The following VPS37A variants were observed in gnomAD, a reference collection of about 807,000 sequenced individuals.
VPS37A encodes VPS37A subunit of ESCRT-I, also known as vacuolar protein sorting-associated protein 37A.
VPS37A carries 30 observed loss-of-function variants against 49.8 expected under a neutral mutation model. That is an observed-to-expected ratio of 0.60 (90% CI 0.45 to 0.82). The LOEUF is 0.82. Among genes scored for constraint, VPS37A ranks in the 40% least tolerant of loss-of-function variants. The pLI is 0.00. For synonymous variants in VPS37A, 195 were observed against 160.6 expected (o/e 1.21, Z -1.62); for missense variants, 593 against 464.4 (o/e 1.28, Z -2.55).
intron 11 of VPS37A, among the ~76,000 whole-genome samples, chr8:17,294,304 C>G (rs1243116954): frequency 6.6e-6 from 1 of 152,192 alleles, no homozygotes; most frequent in Non-Finnish European, 1.5e-5. Flanking sequence ...CCCCTCCCCC[C>G]ACCAAGCTCC....
At chr8:17,305,098 C>G (rs1817366627), downstream of VPS37A, among the ~76,000 whole-genome samples, 1 of 152,186 alleles carries the variant, frequency 6.6e-6, no homozygotes, top group South Asian at 2.1e-4. Flanking sequence ...CACACTTGAG[C>G]TTCCTTAGAG....
At position 17,247,717 on chromosome 8, in the gene VPS37A, T is replaced by C. The variant is rs3763556; in HGVS notation, c.125+348T>C. Reference sequence around the variant, plus strand: ...CTGATCTTTCCCTTTGCCCACCTGATTGCCGCGTCAGCAGAATTGTTAAAA... The same window carrying C: ...CTGATCTTTCCCTTTGCCCACCTGACTGCCGCGTCAGCAGAATTGTTAAAA... On this transcript the variant is annotated intron_variant, in intron 1 of 11. Coordinates refer to ENST00000324849, the MANE Select transcript of VPS37A (RefSeq NM_152415.3). The C allele has an allele frequency of 3.5e-3, 2,451 of 702,688 alleles. 28 individuals carry two copies. Among genetic ancestry groups the C allele is most frequent in the East Asian group, 0.032 (1,179 of 37,286 alleles). The allele number at this position is 702,688 out of a possible 1,614,324, so 43.5% of individuals were successfully genotyped here.
chr8:17,309,439 G>C, the VPS37A span: 3 of 743,048 alleles, frequency 4.0e-6, no homozygotes, highest in Non-Finnish European at 7.1e-6. Context: ...CCATCCTCGA[G>C]TAACCTGCAA....
intron 11 of VPS37A, among the ~76,000 whole-genome samples, chr8:17,288,289 G>T (rs920300334): frequency 6.6e-6 from 1 of 152,038 alleles, no homozygotes; most frequent in East Asian, 1.9e-4. Context: ...TTTTACATAG[G>T]TATACATGTG....
the VPS37A span, chr8:17,331,157 C>T: frequency 6.2e-7 from 1 of 1,610,390 alleles, no homozygotes; most frequent in Non-Finnish European, 8.5e-7. Context: ...TACCTTCCAG[C>T]ATTTTCTGCA....
chr8:17,306,176 T>C (rs1186680481), downstream of VPS37A, among the ~76,000 whole-genome samples: 1 of 152,170 alleles, frequency 6.6e-6, no homozygotes. Flanking sequence ...GTTCACGTTA[T>C]AGTTACAAAA....
intron 11 of VPS37A, among the ~76,000 whole-genome samples, chr8:17,293,228 C>T (rs1483388879): frequency 6.6e-6 from 1 of 151,544 alleles, no homozygotes; most frequent in Non-Finnish European, 1.5e-5. Context: ...ATCCTTTCTT[C>T]TGCTTGATCG....
intron 9 of VPS37A, among the ~76,000 whole-genome samples, chr8:17,282,060 C>G (rs1206636006): frequency 6.6e-6 from 1 of 151,742 alleles, no homozygotes; most frequent in Admixed American, 6.6e-5. Flanking sequence ...TCATCTGAAA[C>G]TTTATTTTTC....
chr8:17,309,279 G>C, the VPS37A span: 6 of 1,529,230 alleles, frequency 3.9e-6, no homozygotes, highest in Non-Finnish European at 5.4e-6. Context: ...TTACTTACCG[G>C]TGATTAAACT....
chr8:17,305,887 G>A, downstream of VPS37A: 1 of 1,613,650 alleles, frequency 6.2e-7, no homozygotes, highest in South Asian at 1.1e-5. Flanking sequence ...TCCATTAACT[G>A]CCAAACACAC....
At position 17,297,214 on chromosome 8, in the gene VPS37A, G is replaced by A. The variant is rs1361248829; in HGVS notation, c.*2228G>A. Reference sequence around the variant, plus strand: ...GGAGTTACTAGGCTAATCAGTGTACGAATTTGTCATAGGTAGAGATTTAAA... The same window carrying A: ...GGAGTTACTAGGCTAATCAGTGTACAAATTTGTCATAGGTAGAGATTTAAA... On this transcript the variant is annotated 3_prime_UTR_variant, in exon 12 of 12. Transcript: ENST00000324849. The A allele has an allele frequency of 3.3e-5, 5 of 152,202 alleles. No homozygotes were observed. The highest frequency in any genetic ancestry group is 1.9e-4 in the East Asian group (1 of 5,186). 9.4% of individuals were successfully genotyped at this position (152,202 alleles called of 1,614,324 possible). A position where few individuals can be genotyped will look rare whatever the true frequency, so the allele number is the denominator to read the frequency against.
intron 1 of VPS37A, among the ~76,000 whole-genome samples, chr8:17,264,197 T>A (rs1813237107): frequency 2.6e-5 from 4 of 152,184 alleles, no homozygotes; most frequent in Admixed American, 2.6e-4. Context: ...AAGACAGGAT[T>A]TGAACCCAGG....
chr8:17,327,672 A>G, the VPS37A span, among the ~76,000 whole-genome samples: 1 of 152,204 alleles, frequency 6.6e-6, no homozygotes, highest in African/African-American at 2.4e-5. Context: ...AACCAAATAT[A>G]TTATGTCTGT....
At chr8:17,318,309 G>A in the VPS37A span, among the ~76,000 whole-genome samples, 19,665 of 151,942 alleles carry the variant, frequency 0.13, 1,809 homozygotes, top group South Asian at 0.42. Flanking sequence ...TAGGAGCAGC[G>A]CTTCCACAGT....
intron 1 of VPS37A, among the ~76,000 whole-genome samples, chr8:17,256,083 A>AT (rs909947378): frequency 1.9e-4 from 27 of 142,962 alleles, no homozygotes; most frequent in Middle Eastern, 3.5e-3. Flanking sequence ...TGGCAGTTTC[A>AT]TTTTTTTTTT....
At chr8:17,250,480 C>T (rs1811871179) in intron 1 of VPS37A, among the ~76,000 whole-genome samples, 1 of 152,150 alleles carries the variant, frequency 6.6e-6, no homozygotes, top group African/African-American at 2.4e-5. Context: ...ATATCAATAT[C>T]TTGTTACATG....
At chr8:17,332,904 G>C in the VPS37A span, among the ~76,000 whole-genome samples, 1 of 152,192 alleles carries the variant, frequency 6.6e-6, no homozygotes, top group Non-Finnish European at 1.5e-5. Context: ...AATTACAGCA[G>C]AAAGACAGCA....
intron 1 of VPS37A, among the ~76,000 whole-genome samples, chr8:17,252,564 C>G (rs181966282): frequency 6.6e-6 from 1 of 152,206 alleles, no homozygotes; most frequent in East Asian, 1.9e-4. Flanking sequence ...CCCCTATGTC[C>G]CCTGTCGTCT....
At chr8:17,264,724 G>C in intron 1 of VPS37A, among the ~76,000 whole-genome samples, 1 of 152,148 alleles carries the variant, frequency 6.6e-6, no homozygotes, top group East Asian at 1.9e-4. Flanking sequence ...TCATAAGCTA[G>C]ATCTTTGAAG....
Sources: allele counts gnomAD v4.1 joint callset (sites outside exome capture counted in the v4.1 genomes callset), GRCh38; gene constraint gnomAD v4.1.1; transcripts MANE v1.5; gene names NCBI Gene and HGNC (gene_info 2026-07-23, HGNC 2026-07-21).